Variants in SLC22A4 observed in about 807,000 individuals in gnomAD.
The protein encoded by SLC22A4 is solute carrier family 22 member 4.
A neutral mutation model predicts 56.6 loss-of-function variants in SLC22A4; 39 were observed. That is an observed-to-expected ratio of 0.69 (90% confidence interval 0.53 to 0.90). The LOEUF (loss-of-function observed/expected upper bound fraction) is 0.90. Among genes scored for constraint, SLC22A4 ranks in the 40% least tolerant of loss-of-function variants. SLC22A4 has a pLI of 0.00. For missense variants in SLC22A4, 594 were observed against 696.5 expected (o/e 0.85, Z 1.66); for synonymous variants, 241 against 281.4 (o/e 0.86, Z 1.44).
intron 9 of SLC22A4, among the ~76,000 whole-genome samples, chr5:132,341,838 G>A (rs954222037): frequency 1.7e-4 from 26 of 151,712 alleles, no homozygotes; most frequent in Admixed American, 1.1e-3. Context: ...ATCCCAGCTC[G>A]CGGGAGGCTG....
At chr5:132,307,629 A>G (rs552257747) in intron 1 of SLC22A4, among the ~76,000 whole-genome samples, 228 of 152,298 alleles carry the variant, frequency 1.5e-3, no homozygotes, top group South Asian at 6.2e-3. Flanking sequence ...CAGACGCTCC[A>G]CTGATATTTC....
In SLC22A4 at chr5:132,323,878, CT is replaced by C. The variant is rs148082144; in HGVS notation, c.824+1524del. On this transcript the variant is annotated intron_variant, in intron 4 of 9. Coordinates refer to ENST00000200652, the MANE Select transcript of SLC22A4 (RefSeq NM_003059.3). ...CTCTGGCTCTAGTTGTCATTTTGAC[CT>C]AAGAGACCAGTACTTTCAAAATGTT... 5.5e-3 allele frequency among the ~76,000 whole-genome samples: 835 copies of C among 152,240 alleles called. 4 individuals carry two copies. Among genetic ancestry groups the C allele is most frequent in the East Asian group, 0.019 (100 of 5,186 alleles).
intron 1 of SLC22A4, among the ~76,000 whole-genome samples, chr5:132,297,912 C>T (rs1008196827): frequency 2.7e-4 from 41 of 152,132 alleles, no homozygotes; most frequent in African/African-American, 9.7e-4. Context: ...CATATCTCTG[C>T]ACTCCAGCCT....
intron 1 of SLC22A4, among the ~76,000 whole-genome samples, chr5:132,299,398 TATTTTA>T (rs796286494): frequency 2.5e-4 from 33 of 129,996 alleles, no homozygotes; most frequent in African/African-American, 8.3e-4. Context: ...TTTTTCGTTT[TATTTTA>T]TTTTATTTTA....
rs1159365052 is a variant in SLC22A4, at chr5:132,294,678, T to A, written c.62T>A (p.Ile21Asn). The stretch of plus-strand genomic sequence containing the variant: ...GAGTGGGGGCCCTTCCAGCGCCTCA[T>A]CTTCTTCCTGCTCAGCGCCAGCATC... ...LGEWGPFQRLIFFLLSASIIP... is the reference protein window; with the variant it reads ...LGEWGPFQRLNFFLLSASIIP... Residue 21 changes from isoleucine to asparagine, a missense_variant, in exon 1 of 10, where the codon ATC becomes AAC. By Grantham distance (149) the Ile-to-Asn change is moderately radical (BLOSUM62 -3). Transcript: ENST00000200652. This position sits in a 1 kb window ranked among gnomAD's most constrained non-coding sequence, Gnocchi z 5.6. 2 of 1,614,136 alleles carry A rather than the reference T, an allele frequency of 1.2e-6. No homozygotes were observed. Among genetic ancestry groups the A allele is most frequent in the South Asian group, 1.1e-5 (1 of 91,084 alleles).
chr5:132,313,896 G>A (rs192870267), intron 3 of SLC22A4, 128 bp downstream of exon 3: 21 of 1,014,890 alleles, frequency 2.1e-5, no homozygotes, highest in South Asian at 3.9e-5. Flanking sequence ...GGAGGGAGCC[G>A]TAGCCACAGC....
At chr5:132,334,585 T>G (rs1160800737) in intron 6 of SLC22A4, 133 bp from the exon 7 acceptor site, 2 of 762,870 alleles carry the variant, frequency 2.6e-6, no homozygotes, top group Non-Finnish European at 4.8e-6. Context: ...TAATTTTAAT[T>G]TATTCAAATT....
In SLC22A4 at chr5:132,294,467, C is replaced by T. The variant is rs1749725764; in HGVS notation, c.-150C>T. On this transcript the variant is annotated 5_prime_UTR_variant, in exon 1 of 10. It adds an upstream start codon to the 5' untranslated region. Coordinates refer to ENST00000200652, the MANE Select transcript of SLC22A4 (RefSeq NM_003059.3). The surrounding 1 kb of genome is among the most constrained non-coding windows in gnomAD (Gnocchi z 5.6). Reference sequence around the variant, plus strand: ...ACGCCTTCAGCCTGTTTCCCAGGAACGGTCCCCGGCTTCGCGCCCCAATTT... The same window carrying T: ...ACGCCTTCAGCCTGTTTCCCAGGAATGGTCCCCGGCTTCGCGCCCCAATTT... 4 of 1,072,396 alleles carry T rather than the reference C, an allele frequency of 3.7e-6. No homozygotes were observed. In the South Asian group the frequency reaches 4.4e-5, roughly 12 times the overall value. 66.4% of individuals were successfully genotyped at this position (1,072,396 alleles called of 1,614,324 possible).
At chr5:132,308,261 T>G (rs74557349) in intron 1 of SLC22A4, among the ~76,000 whole-genome samples, 3,047 of 152,202 alleles carry the variant, frequency 0.02, 75 homozygotes, top group African/African-American at 0.059. Flanking sequence ...CTGTAAAGTA[T>G]GCTTGACCTT....
rs76691049 is a variant in SLC22A4, at chr5:132,340,073, T to G, written c.1445-492T>G. Reference sequence around the variant, plus strand: ...ACATAATACTTAGTTGTTTTTTTTTTTTTTTTTTTTTTTTTTGAGTCTCAT... The same window carrying G: ...ACATAATACTTAGTTGTTTTTTTTTGTTTTTTTTTTTTTTTTGAGTCTCAT... On this transcript the variant is annotated intron_variant, in intron 8 of 9. Coordinates refer to ENST00000200652, the MANE Select transcript of SLC22A4 (RefSeq NM_003059.3). Among the ~76,000 whole-genome samples, 72 of 147,214 alleles carry G rather than the reference T, an allele frequency of 4.9e-4. No homozygotes were observed. The East Asian group carries it at 5.1e-3, about 11-fold the overall frequency.
In SLC22A4 at chr5:132,340,625, T is replaced by A; in HGVS notation, c.1505T>A (p.Ile502Asn). The A allele has an allele frequency of 6.2e-7, 1 of 1,613,982 alleles. No individual in the cohort carries two copies. Among genetic ancestry groups the A allele is most frequent in the Middle Eastern group, 1.6e-4 (1 of 6,062 alleles). The part of the protein sequence containing the change: ...VMGSLTVLIG[I>N]LTLFFPESLG... ...GGTAGTCTGACTGTCCTGATTGGAA[T>A]CCTCACCCTTTTTTTCCCTGAAAGT... The change falls in exon 9 of 10, where the codon ATC becomes AAC. Residue 502 changes from isoleucine to asparagine, a missense_variant. By Grantham distance (149) the Ile-to-Asn change is moderately radical. Coordinates refer to ENST00000200652, the MANE Select transcript of SLC22A4 (RefSeq NM_003059.3).
intron 1 of SLC22A4, among the ~76,000 whole-genome samples, chr5:132,301,783 C>T (rs933328425): frequency 6.6e-5 from 10 of 152,172 alleles, no homozygotes; most frequent in Non-Finnish European, 1.2e-4. Flanking sequence ...GGGTAGGCCC[C>T]GACAAAAGGG....
chr5:132,316,578 G>C (rs1750364947), intron 3 of SLC22A4, among the ~76,000 whole-genome samples: 1 of 152,162 alleles, frequency 6.6e-6, no homozygotes, highest in African/African-American at 2.4e-5. Flanking sequence ...ACTCTTGACT[G>C]ATTCATTAAT....
At chr5:132,303,073 T>C (rs567017934) in intron 1 of SLC22A4, among the ~76,000 whole-genome samples, 97 of 152,378 alleles carry the variant, frequency 6.4e-4, no homozygotes, top group Non-Finnish European at 1.1e-3. Context: ...ATAAAGGATT[T>C]GTATCTAGAA....
chr5:132,331,098 C>G (rs1388317792), intron 5 of SLC22A4, among the ~76,000 whole-genome samples: 3 of 152,166 alleles, frequency 2.0e-5, no homozygotes, highest in Admixed American at 6.5e-5. Flanking sequence ...TTTGGGAGGC[C>G]AAAGTGGGCA....
At chr5:132,323,879 TAA>T (rs1273583400) in intron 4 of SLC22A4, among the ~76,000 whole-genome samples, 2 of 150,560 alleles carry the variant, frequency 1.3e-5, no homozygotes, top group African/African-American at 2.4e-5. Context: ...CATTTTGACC[TAA>T]GAGACCAGTA....
intron 6 of SLC22A4, among the ~76,000 whole-genome samples, chr5:132,333,782 C>T (rs537339437): frequency 3.2e-4 from 49 of 152,004 alleles, no homozygotes; most frequent in Non-Finnish European, 2.9e-5. Flanking sequence ...GTTATTTTTC[C>T]ACAGAGAAGC....
At position 132,322,328 on chromosome 5, in the gene SLC22A4, C is replaced by T. The variant is rs199535716; in HGVS notation, c.797C>T (p.Pro266Leu). 37 of 1,613,756 alleles carry T rather than the reference C, an allele frequency of 2.3e-5. No individual in the cohort carries two copies. Among genetic ancestry groups the T allele is most frequent in the Middle Eastern group, 1.7e-4 (1 of 5,854 alleles). The change falls in exon 4 of 10, where the codon CCG becomes CTG. Residue 266 changes from proline to leucine, a missense_variant. By Grantham distance (98) the Pro-to-Leu change is moderately conservative. Transcript: ENST00000200652. ...ATGCTGCTGCTGGCGCTGACGGTGC[C>T]GGGAGTGCTGTGTGTCCCGCTGTGG... ...WRMLLLALTV[P>L]GVLCVPLWWF... is the part of the protein sequence containing the mutation.
chr5:132,325,615 T>C (rs1237169442), intron 4 of SLC22A4, among the ~76,000 whole-genome samples: 1 of 152,212 alleles, frequency 6.6e-6, no homozygotes, highest in Non-Finnish European at 1.5e-5. Flanking sequence ...TTGGGGCCAA[T>C]TAACTACACA....
Sources: gnomAD v4.1 joint callset for allele counts (sites outside exome capture counted in the v4.1 genomes callset) on GRCh38, gnomAD v4.1.1 for gene constraint, Gnocchi (gnomAD v3.1) non-coding constraint, MANE v1.5 for transcripts, NCBI Gene and HGNC (gene_info 2026-07-23, HGNC 2026-07-21) for gene names.